RNASET2: variants seen among roughly 807,000 people sequenced by gnomAD.
The protein encoded by RNASET2 is ribonuclease 6.
In RNASET2, 28 loss-of-function variants were observed where a neutral mutation model predicts 33.9. The observed-to-expected ratio is 0.83, with a 90% CI of 0.61 to 1.13. The LOEUF (loss-of-function observed/expected upper bound fraction) is 1.13, where lower values mean the gene tolerates loss of function less well. Ranked by LOEUF, RNASET2 falls within the 50% of genes most tolerant of loss-of-function variation. The pLI, the probability that RNASET2 is intolerant of heterozygous loss-of-function variation, is 0.00. For synonymous variants in RNASET2, 123 were observed against 121.0 expected (o/e 1.02, Z -0.11); for missense variants, 330 against 319.9 (o/e 1.03, Z -0.24).
intron 6 of RNASET2, 21 bp downstream of exon 6, chr6:166,938,874 C>A: frequency 6.5e-7 from 1 of 1,545,946 alleles, no homozygotes; most frequent in Non-Finnish European, 8.9e-7. Flanking sequence ...GGAAGTGCAG[C>A]CGGGGGAAGG....
chr6:166,932,015 C>G (rs1410295), intron 7 of RNASET2: 89,182 of 152,434 alleles, frequency 0.59, 28,121 homozygotes, highest in East Asian at 0.86. Context: ...CCCATCCAGA[C>G]CTCTCTTCCT....
chr6:166,933,841 G>A lies in RNASET2; in HGVS notation c.492+250C>T, dbSNP rs1778503049. On this transcript the variant is annotated intron_variant, in intron 7 of 8. Transcript: ENST00000508775. The surrounding 1 kb of genome is among the most constrained non-coding windows in gnomAD (Gnocchi z 4.1). ...ATTCCACCTGCTCTGCCGGACCCTGGAGCACACACTTCTCACAAAGGGAGC... is the reference window on the plus strand; with the variant it reads ...ATTCCACCTGCTCTGCCGGACCCTGAAGCACACACTTCTCACAAAGGGAGC... The A allele has an allele frequency of 3.5e-6, 2 of 573,582 alleles. No individual in the cohort carries two copies. The highest frequency in any genetic ancestry group is 1.9e-5 in the African/African-American group (1 of 53,420). The allele number at this position is 573,582 out of a possible 1,614,324, so 35.5% of individuals were successfully genotyped here.
At chr6:166,936,526 A>G (rs1316903971) in intron 6 of RNASET2, among the ~76,000 whole-genome samples, 2 of 152,196 alleles carry the variant, frequency 1.3e-5, no homozygotes, top group African/African-American at 4.8e-5. Context: ...ACTTCCGCTC[A>G]TGGCAGAAGG....
intron 6 of RNASET2, among the ~76,000 whole-genome samples, chr6:166,937,200 G>A (rs568864030): frequency 6.4e-4 from 97 of 152,122 alleles, no homozygotes; most frequent in Non-Finnish European, 1.2e-3. Context: ...GCAATGGCAC[G>A]ATCTCAGCTC....
At chr6:166,943,678 A>C in intron 4 of RNASET2, 2 of 455,396 alleles carry the variant, frequency 4.4e-6, no homozygotes, top group Non-Finnish European at 9.1e-6. Flanking sequence ...TTAATGCTAA[A>C]CTTTATTTAA....
At chr6:166,936,436 GA>G (rs1778570891) in intron 6 of RNASET2, among the ~76,000 whole-genome samples, 1 of 152,150 alleles carries the variant, frequency 6.6e-6, no homozygotes, top group African/African-American at 2.4e-5. Context: ...TTTAAAAAAA[GA>G]GGTTTTTTTG....
intron 5 of RNASET2, 38 bp from the exon 6 acceptor site, chr6:166,939,046 G>C: frequency 6.8e-7 from 1 of 1,475,652 alleles, no homozygotes; most frequent in Non-Finnish European, 9.4e-7. Flanking sequence ...TAAAAGTAGT[G>C]AAACAGGCTG....
rs1778302475 is a variant in RNASET2, at chr6:166,926,264, G to C, written c.*3324C>G. ...GAAAGATAAGATACCTGGGCCAGGCGCGGTGGCTCACACCTATAATCCTAG... is the reference window on the plus strand; with the variant it reads ...GAAAGATAAGATACCTGGGCCAGGCCCGGTGGCTCACACCTATAATCCTAG... On this transcript the variant is annotated 3_prime_UTR_variant, in exon 9 of 9. Transcript: ENST00000508775. Among the ~76,000 whole-genome samples the C allele has an allele frequency of 1.3e-5, 2 of 151,790 alleles. No homozygotes were observed. The highest frequency in any genetic ancestry group is 1.3e-4 in the Admixed American group (2 of 15,236).
chr6:166,946,785 G>C, intron 3 of RNASET2, 46 bp from the exon 4 acceptor site: 1 of 1,199,522 alleles, frequency 8.3e-7, no homozygotes, highest in Non-Finnish European at 1.2e-6. Flanking sequence ...ATTAGGCTTG[G>C]TTGGGGTGGC....
intron 2 of RNASET2, 62 bp downstream of exon 2, chr6:166,952,426 A>G: frequency 2.0e-6 from 3 of 1,463,670 alleles, no homozygotes; most frequent in Non-Finnish European, 2.9e-6. Flanking sequence ...GGGCACGTGC[A>G]CACAAACCCC....
rs769738089 is a variant in RNASET2 at position 166,922,673 on chromosome 6, T to G, written c.*6915A>C. Among the ~76,000 whole-genome samples the G allele has an allele frequency of 1.3e-5, 2 of 152,236 alleles. No individual in the cohort carries two copies. Among genetic ancestry groups the G allele is most frequent in the Non-Finnish European group, 2.9e-5 (2 of 68,044 alleles). ...CTGGCTGAATCTTGTACATGACTTT[T>G]GATGTATGTTGTTATCTTTGGGCCA... On this transcript the variant is annotated 3_prime_UTR_variant, in exon 9 of 9. Transcript: ENST00000508775.
chr6:166,924,554 T>C lies in RNASET2; in HGVS notation c.*5034A>G. Among the ~76,000 whole-genome samples the C allele has an allele frequency of 6.6e-6, 1 of 152,258 alleles. No individual in the cohort carries two copies. Among genetic ancestry groups the C allele is most frequent in the East Asian group, 1.9e-4 (1 of 5,180 alleles). On this transcript the variant is annotated 3_prime_UTR_variant, in exon 9 of 9. Transcript: ENST00000508775. Reference sequence around the variant, plus strand: ...TGACGTGGCCATTAGGGCCCACAGATCCTTCCCTGCAGTTGCTGTCTCCCT... The same window carrying C: ...TGACGTGGCCATTAGGGCCCACAGACCCTTCCCTGCAGTTGCTGTCTCCCT...
At chr6:166,951,392 T>C (rs940030197) in intron 2 of RNASET2, among the ~76,000 whole-genome samples, 4 of 152,222 alleles carry the variant, frequency 2.6e-5, no homozygotes, top group African/African-American at 9.6e-5. Context: ...ATGAGGCCTA[T>C]CCACAAGAGG....
chr6:166,929,962 C>T (rs1778380709), intron 8 of RNASET2, among the ~76,000 whole-genome samples, 171 bp from the exon 9 acceptor site: 1 of 152,226 alleles, frequency 6.6e-6, no homozygotes, highest in Non-Finnish European at 1.5e-5. Context: ...CTGCTGTGCA[C>T]TAAATTGGAA....
chr6:166,925,474 T>C lies in RNASET2; in HGVS notation c.*4114A>G, dbSNP rs1011607542. 2.0e-4 allele frequency among the ~76,000 whole-genome samples: 29 copies of C among 146,372 alleles called. No individual in the cohort carries two copies. The highest frequency in any genetic ancestry group is 4.0e-4 in the Admixed American group (6 of 14,842). ...TCTGCCACCCAGGCCTCATCTATACTGCCCAGCCCTCACCTCCCCTGTCCA... is the reference window on the plus strand; with the variant it reads ...TCTGCCACCCAGGCCTCATCTATACCGCCCAGCCCTCACCTCCCCTGTCCA... On this transcript the variant is annotated 3_prime_UTR_variant, in exon 9 of 9. Transcript: ENST00000508775.
rs58837223 is a variant in RNASET2, at chr6:166,927,713, C to CAAAAAAAAAAAAAAAAAAAA, written c.*1855_*1874dup. ...TGATCCCTGTGTTCGCAAAATGACT[C>CAAAAAAAAAAAAAAAAAAAA]AAAAAAAAAAAAAAAAAAAAAAAGA... On this transcript the variant is annotated 3_prime_UTR_variant, in exon 9 of 9. Coordinates refer to ENST00000508775, the MANE Select transcript of RNASET2 (RefSeq NM_003730.6). Among the ~76,000 whole-genome samples, 10 of 47,342 alleles carry CAAAAAAAAAAAAAAAAAAAA rather than the reference C, an allele frequency of 2.1e-4. 1 individual carries two copies. Among genetic ancestry groups the CAAAAAAAAAAAAAAAAAAAA allele is most frequent in the African/African-American group, 6.9e-4 (8 of 11,648 alleles). The allele number at this position is 47,342 out of a possible 152,430, so 31.1% of individuals were successfully genotyped here. A position where few individuals can be genotyped will look rare whatever the true frequency, so the allele number is the denominator to read the frequency against.
Position 166,927,465 on chromosome 6 carries a change from C to G in RNASET2, c.*2123G>C, listed in dbSNP as rs966856413. 3.9e-5 allele frequency among the ~76,000 whole-genome samples: 6 copies of G among 152,010 alleles called. No individual in the cohort carries two copies. Among genetic ancestry groups the G allele is most frequent in the Non-Finnish European group, 7.4e-5 (5 of 68,024 alleles). ...TCCCACCAGGATGCTACCTTGTTGG[C>G]GTCCCCATCCGCTCTCAAATGCTCA... On this transcript the variant is annotated 3_prime_UTR_variant, in exon 9 of 9. Transcript: ENST00000508775.
intron 1 of RNASET2, among the ~76,000 whole-genome samples, chr6:166,955,257 GCACACACACACACGCGCACACACGA>G (rs1779099868): frequency 1.1e-5 from 1 of 92,046 alleles, no homozygotes; most frequent in Non-Finnish European, 2.0e-5. Context: ...ACGCACACAC[GCACACACACACACGCGCACACACGA>G]CACACACGCA....
chr6:166,945,787 G>T (rs1198862990), intron 4 of RNASET2, among the ~76,000 whole-genome samples: 2 of 146,008 alleles, frequency 1.4e-5, no homozygotes, highest in Non-Finnish European at 3.0e-5. Context: ...CCAAGATTGC[G>T]CCACTGCACT....
Sources: allele counts gnomAD v4.1 joint callset (sites outside exome capture counted in the v4.1 genomes callset), GRCh38; gene constraint gnomAD v4.1.1; non-coding constraint Gnocchi (gnomAD v3.1); transcripts MANE v1.5; gene names NCBI Gene and HGNC (gene_info 2026-07-23, HGNC 2026-07-21).